The following NALF1 variants were observed in gnomAD, a reference collection of about 807,000 sequenced individuals.
The protein encoded by NALF1 is NALCN channel auxiliary factor 1.
NALF1 carries 3 observed loss-of-function variants against 48.4 expected under a neutral mutation model. The ratio of observed to expected loss-of-function variants is 0.06; its 90% CI spans 0.03 to 0.16. The LOEUF is 0.16. Among genes scored for constraint, NALF1 ranks in the 10% least tolerant of loss-of-function variants. The pLI is 1.00. For missense variants in NALF1, 526 were observed against 571.5 expected (o/e 0.92, Z 0.81); for synonymous variants, 262 against 245.7 (o/e 1.07, Z -0.62).
At chr13:107,275,627 A>G (rs1881265309) in intron 1 of NALF1, among the ~76,000 whole-genome samples, 1 of 152,138 alleles carries the variant, frequency 6.6e-6, no homozygotes, top group African/African-American at 2.4e-5. Flanking sequence ...AGCTCAAAGT[A>G]TCTGATCTCC....
At chr13:107,857,895 G>A (rs1440339781) in intron 1 of NALF1, among the ~76,000 whole-genome samples, 2 of 151,984 alleles carry the variant, frequency 1.3e-5, no homozygotes, top group African/African-American at 2.4e-5. Flanking sequence ...CCATTTACTG[G>A]GCATCATCAA....
At chr13:107,607,659 T>C (rs962368194) in intron 1 of NALF1, among the ~76,000 whole-genome samples, 15 of 152,268 alleles carry the variant, frequency 9.9e-5, no homozygotes, top group Middle Eastern at 3.4e-3. Context: ...GGTGTCTCCC[T>C]CTCAGAGGCA....
chr13:107,277,414 T>C lies in NALF1; in HGVS notation c.916-66659A>G, dbSNP rs371729301. 2.3e-4 allele frequency among the ~76,000 whole-genome samples: 35 copies of C among 152,308 alleles called. 1 individual carries two copies. The South Asian group carries it at 7.0e-3, about 31-fold the overall frequency. On this transcript the variant is annotated intron_variant, in intron 1 of 2. Transcript: ENST00000375915. The stretch of plus-strand genomic sequence containing the variant: ...AAAGCATGACATATTCAATTTCTAC[T>C]CTAGGCAATTTCCTCTAAAAACTCA...
chr13:107,542,304 G>A (rs996099968), intron 1 of NALF1, among the ~76,000 whole-genome samples: 1 of 152,000 alleles, frequency 6.6e-6, no homozygotes, highest in Non-Finnish European at 1.5e-5. Flanking sequence ...AAAAGTAGGT[G>A]AGTGGTTGCT....
At chr13:107,301,822 T>C (rs1045305038) in intron 1 of NALF1, among the ~76,000 whole-genome samples, 12 of 152,206 alleles carry the variant, frequency 7.9e-5, no homozygotes, top group Non-Finnish European at 1.2e-4. Context: ...AAAACCCTGG[T>C]ACTTCACATC....
At chr13:107,199,044 T>A (rs1879453290) in intron 2 of NALF1, among the ~76,000 whole-genome samples, 1 of 151,928 alleles carries the variant, frequency 6.6e-6, no homozygotes, top group African/African-American at 2.4e-5. Context: ...CCTAGTTCAA[T>A]AGGACAGATG....
chr13:107,627,308 T>G (rs1303346626), intron 1 of NALF1, among the ~76,000 whole-genome samples: 1 of 152,130 alleles, frequency 6.6e-6, no homozygotes, highest in Non-Finnish European at 1.5e-5. Context: ...CTACACCAGC[T>G]TGATTCTATC....
intron 1 of NALF1, among the ~76,000 whole-genome samples, chr13:107,491,497 G>C (rs1875111778): frequency 1.3e-5 from 2 of 152,172 alleles, no homozygotes; most frequent in Non-Finnish European, 2.9e-5. Flanking sequence ...CCTACTAGAA[G>C]AGCATCCCTG....
intron 1 of NALF1, among the ~76,000 whole-genome samples, chr13:107,541,887 T>C (rs74112254): frequency 0.021 from 3,145 of 152,140 alleles, 127 homozygotes; most frequent in African/African-American, 0.072. Context: ...GAGTTCTATA[T>C]ACTTTGCCAA....
At chr13:107,442,828 A>T (rs1884582601) in intron 1 of NALF1, among the ~76,000 whole-genome samples, 1 of 152,238 alleles carries the variant, frequency 6.6e-6, no homozygotes, top group Non-Finnish European at 1.5e-5. Context: ...GCAAATCGGC[A>T]TTGATATAAT....
At chr13:107,828,331 C>T (rs981038655) in intron 1 of NALF1, among the ~76,000 whole-genome samples, 3 of 152,094 alleles carry the variant, frequency 2.0e-5, no homozygotes, top group Admixed American at 1.3e-4. Context: ...AGTGCATAAA[C>T]CACGTCACAG....
chr13:107,776,636 C>T (rs529051599), intron 1 of NALF1, among the ~76,000 whole-genome samples: 1 of 152,174 alleles, frequency 6.6e-6, no homozygotes, highest in East Asian at 1.9e-4. Flanking sequence ...CATGATAGAT[C>T]TTATGAATAC....
intron 1 of NALF1, among the ~76,000 whole-genome samples, chr13:107,345,955 A>T (rs559520571): frequency 6.6e-6 from 1 of 152,292 alleles, no homozygotes; most frequent in African/African-American, 2.4e-5. Flanking sequence ...TAAGAATCTG[A>T]ATAGACATTT....
intron 1 of NALF1, among the ~76,000 whole-genome samples, chr13:107,220,341 G>A (rs1346734063): frequency 1.3e-5 from 2 of 152,238 alleles, no homozygotes; most frequent in East Asian, 1.9e-4. Context: ...TGGGAATGGA[G>A]TAGAATTGTG....
chr13:107,674,044 A>C (rs1029013774), intron 1 of NALF1, among the ~76,000 whole-genome samples: 3 of 152,150 alleles, frequency 2.0e-5, no homozygotes, highest in African/African-American at 7.2e-5. Context: ...AGACAAGAGC[A>C]ACACCAAACC....
intron 1 of NALF1, among the ~76,000 whole-genome samples, chr13:107,633,635 T>C (rs1228348194): frequency 1.3e-5 from 2 of 151,542 alleles, no homozygotes; most frequent in Non-Finnish European, 2.9e-5. Context: ...TATTTCCTCT[T>C]TATTAATAAC....
intron 1 of NALF1, among the ~76,000 whole-genome samples, chr13:107,641,497 A>G (rs1332028702): frequency 1.3e-5 from 2 of 152,234 alleles, no homozygotes; most frequent in African/African-American, 4.8e-5. Flanking sequence ...GCATTTATCA[A>G]AATATCACTT....
At chr13:107,727,699 A>G (rs1311451346) in intron 1 of NALF1, among the ~76,000 whole-genome samples, 1 of 152,196 alleles carries the variant, frequency 6.6e-6, no homozygotes, top group East Asian at 1.9e-4. Flanking sequence ...AAAACTGAAG[A>G]GCTTCTGCAC....
At chr13:107,451,729 T>C (rs1010761817) in intron 1 of NALF1, among the ~76,000 whole-genome samples, 1 of 152,240 alleles carries the variant, frequency 6.6e-6, no homozygotes, top group Non-Finnish European at 1.5e-5. Context: ...TCAAACTTCT[T>C]AATACATTGC....
Sources: gnomAD v4.1 joint callset for allele counts (sites outside exome capture counted in the v4.1 genomes callset) on GRCh38, gnomAD v4.1.1 for gene constraint, MANE v1.5 for transcripts, NCBI Gene and HGNC (gene_info 2026-07-23, HGNC 2026-07-21) for gene names.